Variants in CPNE3 observed in about 807,000 individuals in gnomAD.
CPNE3 encodes copine 3, also known as copine-3.
Under a neutral mutation model 63.9 loss-of-function variants are expected in CPNE3, and 68 were observed. The ratio of observed to expected loss-of-function variants is 1.06; its 90% CI spans 0.87 to 1.30. The LOEUF (loss-of-function observed/expected upper bound fraction) is 1.30, where lower values mean the gene tolerates loss of function less well. Among genes scored for constraint, CPNE3 ranks in the 50% most tolerant of loss-of-function variants. The pLI, the probability that CPNE3 is intolerant of heterozygous loss-of-function variation, is 0.00. For synonymous variants in CPNE3, 219 were observed against 197.5 expected (o/e 1.11, Z -0.91); for missense variants, 665 against 578.1 (o/e 1.15, Z -1.54).
rs1430743496 is a variant in CPNE3, at chr8:86,532,497, A to C, written c.388-12A>C. On this transcript the variant is annotated splice_polypyrimidine_tract_variant and intron_variant, in intron 5 of 16. Coordinates refer to ENST00000517490, the MANE Select transcript of CPNE3 (RefSeq NM_003909.5). The stretch of plus-strand genomic sequence containing the variant: ...AAACATATTTTCTTTCACTTACCTG[A>C]TCTACTCATAGATTTCAGCTGAAGA... 2 of 1,603,880 alleles carry C rather than the reference A, an allele frequency of 1.2e-6. No homozygotes were observed. The highest frequency in any genetic ancestry group is 1.7e-6 in the Non-Finnish European group (2 of 1,175,178).
In CPNE3 at chr8:86,559,786, A is replaced by G. The variant is rs1821398351; in HGVS notation, c.*1376A>G. On this transcript the variant is annotated 3_prime_UTR_variant, in exon 17 of 17. Transcript: ENST00000517490. ...ATGCATATCTATATATTGGCCAATT[A>G]TCTTTAATAATTTACCTTTTGAAAT... The G allele has an allele frequency of 6.6e-6, 1 of 152,214 alleles. No individual in the cohort carries two copies. Among genetic ancestry groups the G allele is most frequent in the African/African-American group, 2.4e-5 (1 of 41,446 alleles). 9.4% of individuals were successfully genotyped at this position (152,214 alleles called of 1,614,324 possible).
chr8:86,558,474 T>G lies in CPNE3; in HGVS notation c.*64T>G. The G allele has an allele frequency of 1.2e-6, 1 of 866,038 alleles. No individual in the cohort carries two copies. The highest frequency in any genetic ancestry group is 1.3e-5 in the South Asian group (1 of 76,212). The allele number at this position is 866,038 out of a possible 1,614,324, so 53.6% of individuals were successfully genotyped here. On this transcript the variant is annotated 3_prime_UTR_variant, in exon 17 of 17. Transcript: ENST00000517490. Reference sequence around the variant, plus strand: ...GCCATCTCTCACCCCAAATCGTGTATCTGTCATTCTACGTACTTTTTACCC... The same window carrying G: ...GCCATCTCTCACCCCAAATCGTGTAGCTGTCATTCTACGTACTTTTTACCC...
chr8:86,531,358 A>T lies in CPNE3; in HGVS notation c.387+129A>T, dbSNP rs1820679767. The T allele has an allele frequency of 1.1e-5, 7 of 663,648 alleles. No individual in the cohort carries two copies. The East Asian group carries it at 1.9e-4, about 18-fold the overall frequency. The allele number at this position is 663,648 out of a possible 1,614,324, so 41.1% of individuals were successfully genotyped here. ...CAATCTTGAATGTTGCATTCCATCCACCCATGTCTTGTAGTTATCACAAAT... is the reference window on the plus strand; with the variant it reads ...CAATCTTGAATGTTGCATTCCATCCTCCCATGTCTTGTAGTTATCACAAAT... On this transcript the variant is annotated intron_variant, in intron 5 of 16. Coordinates refer to ENST00000517490, the MANE Select transcript of CPNE3 (RefSeq NM_003909.5).
At chr8:86,552,068 A>G (rs1036918216) in intron 14 of CPNE3, among the ~76,000 whole-genome samples, 2 of 152,200 alleles carry the variant, frequency 1.3e-5, no homozygotes, top group Middle Eastern at 3.2e-3. Context: ...ACTAAATTAT[A>G]TATCAGACTA....
In CPNE3 at chr8:86,529,618, G is replaced by C. The variant is rs77706038; in HGVS notation, c.312+494G>C. On this transcript the variant is annotated intron_variant, in intron 4 of 16. Transcript: ENST00000517490. ...TTGGAATCCTTTCCTGAGCTCACTT[G>C]GTACTTACTATCTGGTACTTCTCAC... 4.3e-3 allele frequency among the ~76,000 whole-genome samples: 653 copies of C among 152,178 alleles called. 3 individuals carry two copies. The highest frequency in any genetic ancestry group is 0.015 in the African/African-American group (619 of 41,502).
At chr8:86,550,088 A>G (rs1390966016) in intron 12 of CPNE3, among the ~76,000 whole-genome samples, 2 of 152,242 alleles carry the variant, frequency 1.3e-5, no homozygotes, top group Admixed American at 1.3e-4. Context: ...AAGAAAGTGT[A>G]TGTGAATTGT....
intron 7 of CPNE3, 143 bp downstream of exon 7, chr8:86,537,789 AT>A (rs1271903532): frequency 4.9e-6 from 3 of 617,758 alleles, no homozygotes; most frequent in Non-Finnish European, 5.7e-6. Context: ...CCATGTTCAT[AT>A]TTTTTTCTTT....
In CPNE3 at chr8:86,561,171, A is replaced by G. The variant is rs949353953; in HGVS notation, c.*2761A>G. The G allele has an allele frequency of 6.6e-6, 1 of 152,016 alleles. No individual in the cohort carries two copies. The highest frequency in any genetic ancestry group is 2.4e-5 in the African/African-American group (1 of 41,358). 9.4% of individuals were successfully genotyped at this position (152,016 alleles called of 1,614,324 possible). A position where few individuals can be genotyped will look rare whatever the true frequency, so the allele number is the denominator to read the frequency against. ...TTTGGACATACTTTTTTTTTCTTCA[A>G]TTTTGTAAACTTCCTGGAAAGCTGT... On this transcript the variant is annotated 3_prime_UTR_variant, in exon 17 of 17. Transcript: ENST00000517490.
chr8:86,538,164 C>T (rs1195028972), intron 7 of CPNE3, among the ~76,000 whole-genome samples: 1 of 152,206 alleles, frequency 6.6e-6, no homozygotes, highest in East Asian at 1.9e-4. Context: ...CACTTGAGGT[C>T]AGGAGCTCGA....
chr8:86,543,902 A>G (rs1820995845), intron 8 of CPNE3, among the ~76,000 whole-genome samples: 1 of 152,116 alleles, frequency 6.6e-6, no homozygotes, highest in South Asian at 2.1e-4. Context: ...GCAATAGTTC[A>G]TGCCACCTAA....
chr8:86,548,548 C>T, intron 12 of CPNE3, 114 bp downstream of exon 12: 1 of 1,284,544 alleles, frequency 7.8e-7, no homozygotes, highest in Non-Finnish European at 1.1e-6. Context: ...ATGCTTTCTC[C>T]CTAAAATCCC....
At chr8:86,528,874 A>G (rs1820601479) in intron 3 of CPNE3, 71 bp from the exon 4 acceptor site, 7 of 1,401,592 alleles carry the variant, frequency 5.0e-6, no homozygotes, top group Non-Finnish European at 5.8e-6. Flanking sequence ...TATGTTTAGT[A>G]TATAAAGATG....
chr8:86,543,728 A>G (rs1820992379), intron 8 of CPNE3, among the ~76,000 whole-genome samples: 1 of 152,070 alleles, frequency 6.6e-6, no homozygotes. Context: ...CAGGATTCCA[A>G]CTCTGTCTAC....
intron 14 of CPNE3, chr8:86,551,440 G>A (rs914232011): frequency 2.2e-5 from 12 of 535,614 alleles, no homozygotes; most frequent in African/African-American, 5.8e-5. Context: ...TGGTAATTAC[G>A]GGGCAAATCA....
At chr8:86,523,974 G>A (rs1270613591) in intron 2 of CPNE3, among the ~76,000 whole-genome samples, 1 of 152,204 alleles carries the variant, frequency 6.6e-6, no homozygotes, top group Non-Finnish European at 1.5e-5. Flanking sequence ...TGAATTCCAG[G>A]CTTAGTTCAT....
intron 8 of CPNE3, among the ~76,000 whole-genome samples, chr8:86,542,269 G>T (rs1563694924): frequency 6.6e-6 from 1 of 152,054 alleles, no homozygotes; most frequent in African/African-American, 2.4e-5. Flanking sequence ...TTGCTTATAG[G>T]GATAGTAAAG....
At chr8:86,554,304 C>A (rs566483718) in intron 14 of CPNE3, among the ~76,000 whole-genome samples, 3 of 152,102 alleles carry the variant, frequency 2.0e-5, no homozygotes, top group East Asian at 3.9e-4. Context: ...GGATAAGTAA[C>A]CTGGAAGTGA....
intron 2 of CPNE3, among the ~76,000 whole-genome samples, chr8:86,518,361 A>G (rs1192368122): frequency 3.3e-5 from 5 of 152,238 alleles, no homozygotes; most frequent in African/African-American, 1.2e-4. Context: ...AGGAGACTTC[A>G]GTCTTCACAG....
At chr8:86,519,973 A>G (rs1820397056) in intron 2 of CPNE3, among the ~76,000 whole-genome samples, 1 of 152,150 alleles carries the variant, frequency 6.6e-6, no homozygotes, top group Admixed American at 6.5e-5. Context: ...CAGCCTCCCA[A>G]AGTGCTGGGA....
Sources: gnomAD v4.1 joint callset for allele counts (sites outside exome capture counted in the v4.1 genomes callset) on GRCh38, gnomAD v4.1.1 for gene constraint, MANE v1.5 for transcripts, NCBI Gene and HGNC (gene_info 2026-07-23, HGNC 2026-07-21) for gene names.